The following ZNF407 variants were observed in gnomAD, a reference collection of about 807,000 sequenced individuals.
ZNF407 encodes the protein zinc finger protein 407.
ZNF407 carries 17 observed loss-of-function variants against 131.2 expected under a neutral mutation model. The ratio of observed to expected loss-of-function variants is 0.13; its 90% CI spans 0.09 to 0.19. The LOEUF (loss-of-function observed/expected upper bound fraction) is 0.19, where lower values mean the gene tolerates loss of function less well. Ranked by LOEUF, ZNF407 falls within the 10% of genes least tolerant of loss-of-function variation. The pLI, the probability that ZNF407 is intolerant of heterozygous loss-of-function variation, is 1.00. For synonymous variants in ZNF407, 1,156 were observed against 1,062.0 expected (o/e 1.09, Z -1.72); for missense variants, 2,681 against 2,830.6 (o/e 0.95, Z 1.20).
intron 3 of ZNF407, among the ~76,000 whole-genome samples, chr18:74,762,118 C>G (rs1275040225): frequency 6.6e-6 from 1 of 151,932 alleles, no homozygotes; most frequent in Non-Finnish European, 1.5e-5. Flanking sequence ...GTTACCATCC[C>G]TCTGCTTGCA....
At chr18:74,683,198 T>C (rs1967025377) in intron 3 of ZNF407, among the ~76,000 whole-genome samples, 2 of 152,182 alleles carry the variant, frequency 1.3e-5, no homozygotes, top group Non-Finnish European at 2.9e-5. Context: ...AAGCAAAAGG[T>C]AGAAAAATGT....
chr18:74,925,148 T>C (rs750863962), intron 8 of ZNF407, among the ~76,000 whole-genome samples: 7 of 152,194 alleles, frequency 4.6e-5, no homozygotes, highest in Non-Finnish European at 8.8e-5. Flanking sequence ...TACTTTTGTA[T>C]CACATTTAAA....
At chr18:74,726,760 C>T (rs2060693874) in intron 3 of ZNF407, among the ~76,000 whole-genome samples, 1 of 152,096 alleles carries the variant, frequency 6.6e-6, no homozygotes. Flanking sequence ...TTTTCATCTC[C>T]ATAGGGAGAT....
At chr18:74,622,122 TGAATG>T (rs1983536997) in intron 1 of ZNF407, among the ~76,000 whole-genome samples, 1 of 152,184 alleles carries the variant, frequency 6.6e-6, no homozygotes, top group African/African-American at 2.4e-5. Context: ...GTCTTTGTTA[TGAATG>T]GATGTTTCTG....
chr18:74,664,265 C>T (rs754285993), intron 3 of ZNF407, among the ~76,000 whole-genome samples: 33 of 152,146 alleles, frequency 2.2e-4, no homozygotes, highest in African/African-American at 7.5e-4. Context: ...TTCGGGAGGC[C>T]GAGGCGAGTG....
At chr18:74,733,957 C>T (rs941822399) in intron 3 of ZNF407, among the ~76,000 whole-genome samples, 2 of 151,924 alleles carry the variant, frequency 1.3e-5, no homozygotes, top group African/African-American at 4.8e-5. Context: ...TTCTGAGAAG[C>T]CTTAGGCCCT....
chr18:75,031,626 A>G (rs1973241380), intron 8 of ZNF407, among the ~76,000 whole-genome samples: 1 of 152,230 alleles, frequency 6.6e-6, no homozygotes, highest in African/African-American at 2.4e-5. Flanking sequence ...GCATAATTAA[A>G]CATTTATCAA....
chr18:75,013,527 A>G (rs1973008358), intron 8 of ZNF407, among the ~76,000 whole-genome samples: 1 of 152,182 alleles, frequency 6.6e-6, no homozygotes, highest in South Asian at 2.1e-4. Context: ...GAGGAAAGAA[A>G]GGCAGCAGAA....
chr18:74,837,968 T>C (rs1970581448), intron 4 of ZNF407, among the ~76,000 whole-genome samples: 1 of 152,234 alleles, frequency 6.6e-6, no homozygotes, highest in South Asian at 2.1e-4. Context: ...TGTGTAACTT[T>C]AAAAATACAC....
At chr18:74,804,481 A>G in intron 4 of ZNF407, 1 of 988,094 alleles carries the variant, frequency 1.0e-6, no homozygotes, top group South Asian at 4.7e-5. Flanking sequence ...GATCTTGGTT[A>G]TTTGTACCCT....
intron 3 of ZNF407, among the ~76,000 whole-genome samples, chr18:74,702,209 A>G (rs1296078177): frequency 1.3e-5 from 2 of 152,186 alleles, no homozygotes; most frequent in Admixed American, 1.3e-4. Flanking sequence ...ACAGTAGCTC[A>G]CGGTCAAGAA....
chr18:75,015,041 G>A (rs1393404197), intron 8 of ZNF407, among the ~76,000 whole-genome samples: 3 of 151,944 alleles, frequency 2.0e-5, no homozygotes, highest in Admixed American at 6.6e-5. Flanking sequence ...TTTCCCCACC[G>A]CCATATTCGT....
At chr18:74,708,705 C>T (rs1426944303) in intron 3 of ZNF407, among the ~76,000 whole-genome samples, 1 of 152,244 alleles carries the variant, frequency 6.6e-6, no homozygotes, top group African/African-American at 2.4e-5. Context: ...TCTTCTCATC[C>T]TTCCTTGGTG....
intron 3 of ZNF407, among the ~76,000 whole-genome samples, chr18:74,664,684 T>C (rs473008): frequency 0.99 from 150,715 of 152,288 alleles, 74,600 homozygotes; most frequent in Middle Eastern, 1. Context: ...CTTCTGCTGC[T>C]CCTCCAGCTG....
intron 3 of ZNF407, among the ~76,000 whole-genome samples, chr18:74,641,461 A>G (rs1356921306): frequency 6.6e-6 from 1 of 152,142 alleles, no homozygotes; most frequent in Non-Finnish European, 1.5e-5. Context: ...TTAGGAATGT[A>G]TATGTATTTT....
At chr18:74,985,617 A>G (rs955260219) in intron 8 of ZNF407, among the ~76,000 whole-genome samples, 3 of 152,228 alleles carry the variant, frequency 2.0e-5, no homozygotes, top group Admixed American at 6.5e-5. Context: ...GTGTGGCTCT[A>G]AATCATTCCA....
chr18:74,712,084 C>G (rs72969680), intron 3 of ZNF407, among the ~76,000 whole-genome samples: 1 of 152,076 alleles, frequency 6.6e-6, no homozygotes, highest in African/African-American at 2.4e-5. Flanking sequence ...TTGGCCCTGG[C>G]GTGTGTCATA....
chr18:75,051,664 C>T (rs948663375), intron 8 of ZNF407, among the ~76,000 whole-genome samples: 3 of 152,144 alleles, frequency 2.0e-5, no homozygotes, highest in Admixed American at 1.3e-4. Context: ...AAAACTGTTC[C>T]AGTTCTTAGA....
At chr18:74,602,190 A>C (rs1982614098) in intron 1 of ZNF407, among the ~76,000 whole-genome samples, 1 of 152,194 alleles carries the variant, frequency 6.6e-6, no homozygotes, top group Admixed American at 6.5e-5. Context: ...TAGCCTTGCA[A>C]GAAGTTGATG....
Sources: gnomAD v4.1 joint callset for allele counts (sites outside exome capture counted in the v4.1 genomes callset) on GRCh38, gnomAD v4.1.1 for gene constraint, MANE v1.5 for transcripts, NCBI Gene and HGNC (gene_info 2026-07-23, HGNC 2026-07-21) for gene names.